The following PEBP4 variants were observed in gnomAD, a reference collection of about 807,000 sequenced individuals.
PEBP4 encodes phosphatidylethanolamine-binding protein 4.
A neutral mutation model predicts 23.9 loss-of-function variants in PEBP4; 22 were observed. The ratio of observed to expected loss-of-function variants is 0.92; its 90% CI spans 0.66 to 1.31. The LOEUF (loss-of-function observed/expected upper bound fraction) is 1.31. Ranked by LOEUF, PEBP4 falls within the 40% of genes most tolerant of loss-of-function variation. PEBP4 has a pLI of 0.00. For missense variants in PEBP4, 324 were observed against 281.7 expected, an observed-to-expected ratio of 1.15 and a Z score of -1.07; for synonymous variants, 112 against 99.3, an observed-to-expected ratio of 1.13 and a Z score of -0.76.
chr8:22,766,936 C>T (rs573184480), intron 4 of PEBP4, among the ~76,000 whole-genome samples: 4 of 152,196 alleles, frequency 2.6e-5, no homozygotes, highest in Admixed American at 6.5e-5. Context: ...ATGGGACCTC[C>T]CCATGCCTCA....
intron 3 of PEBP4, among the ~76,000 whole-genome samples, chr8:22,853,511 AGTAGGAAG>A (rs780564324): frequency 2.0e-5 from 3 of 152,240 alleles, no homozygotes; most frequent in Non-Finnish European, 4.4e-5. Context: ...CTGTGAAGTA[AGTAGGAAG>A]GTACCCTTCT....
At chr8:22,789,202 T>TA (rs1806087393) in intron 4 of PEBP4, among the ~76,000 whole-genome samples, 1 of 152,194 alleles carries the variant, frequency 6.6e-6, no homozygotes, top group African/African-American at 2.4e-5. Flanking sequence ...AGTTATACAC[T>TA]AAGTGTGTTC....
chr8:22,785,781 CTG>C (rs1312999366), intron 4 of PEBP4, among the ~76,000 whole-genome samples: 1 of 152,198 alleles, frequency 6.6e-6, no homozygotes, highest in Non-Finnish European at 1.5e-5. Context: ...TTGTCAATGA[CTG>C]TGAATAGAGG....
chr8:22,796,251 AGTGTGCGTGTGT>A (rs576402937), intron 4 of PEBP4, among the ~76,000 whole-genome samples: 110 of 109,548 alleles, frequency 1.0e-3, no homozygotes, highest in African/African-American at 3.9e-3. Flanking sequence ...GCAATTCTCA[AGTGTGCGTGTGT>A]GTGTGTGTGT....
intron 6 of PEBP4, among the ~76,000 whole-genome samples, chr8:22,715,531 G>T (rs1343679634): frequency 1.3e-5 from 2 of 152,226 alleles, no homozygotes; most frequent in African/African-American, 4.8e-5. Context: ...GAAGGAACCT[G>T]CACGGCAGGA....
intron 4 of PEBP4, among the ~76,000 whole-genome samples, chr8:22,756,535 C>T (rs985334496): frequency 6.6e-6 from 1 of 152,124 alleles, no homozygotes; most frequent in African/African-American, 2.4e-5. Context: ...CACCACTGTC[C>T]CATGCTCCTC....
intron 4 of PEBP4, among the ~76,000 whole-genome samples, chr8:22,807,003 C>T (rs1301488587): frequency 6.6e-6 from 1 of 152,206 alleles, no homozygotes; most frequent in Non-Finnish European, 1.5e-5. Flanking sequence ...CTCAGACCAT[C>T]TGCTTATTAA....
At chr8:22,873,752 G>A (rs144271564) in intron 3 of PEBP4, among the ~76,000 whole-genome samples, 16 of 152,254 alleles carry the variant, frequency 1.1e-4, no homozygotes, top group East Asian at 7.7e-4. Flanking sequence ...TTAACATACC[G>A]ATACTCATTT....
At chr8:22,727,951 GAT>G (rs1057231233) in intron 4 of PEBP4, among the ~76,000 whole-genome samples, 5 of 152,172 alleles carry the variant, frequency 3.3e-5, no homozygotes, top group Admixed American at 6.5e-5. Context: ...AGGACTGGGA[GAT>G]GCTCAGATGA....
At position 22,924,343 on chromosome 8, in the gene PEBP4, G is replaced by A. The variant is rs142395850; in HGVS notation, c.131+3241C>T. Among the ~76,000 whole-genome samples, 1,187 of 152,256 alleles carry A rather than the reference G, an allele frequency of 7.8e-3. 22 individuals are homozygous for A. The highest frequency in any genetic ancestry group is 0.027 in the African/African-American group (1,127 of 41,544). On this transcript the variant is annotated intron_variant, in intron 2 of 6. Coordinates refer to ENST00000256404, the MANE Select transcript of PEBP4 (RefSeq NM_144962.3). ...CAGGCCACTGCACTCCAGCCTAAGT[G>A]ACAGACAAGACTCTGTCTCTAAAAG...
At chr8:22,814,158 T>A (rs1424718528) in intron 4 of PEBP4, among the ~76,000 whole-genome samples, 1 of 152,170 alleles carries the variant, frequency 6.6e-6, no homozygotes, top group East Asian at 1.9e-4. Context: ...CACACTACTA[T>A]CTCCAGCTTA....
At chr8:22,871,151 A>G (rs1487920301) in intron 3 of PEBP4, among the ~76,000 whole-genome samples, 1 of 152,182 alleles carries the variant, frequency 6.6e-6, no homozygotes, top group Non-Finnish European at 1.5e-5. Flanking sequence ...AAAAAGAAGC[A>G]GGAAGAGCTG....
intron 3 of PEBP4, among the ~76,000 whole-genome samples, chr8:22,836,971 C>T (rs190484645): frequency 1.1e-3 from 162 of 152,248 alleles, no homozygotes; most frequent in African/African-American, 3.8e-3. Flanking sequence ...CTCTATCTCC[C>T]AAGCTACATT....
intron 3 of PEBP4, among the ~76,000 whole-genome samples, chr8:22,904,644 C>T (rs1023171688): frequency 5.3e-5 from 8 of 152,150 alleles, no homozygotes; most frequent in Non-Finnish European, 1.2e-4. Context: ...CCAATGTTAA[C>T]ATTTTGATAT....
intron 4 of PEBP4, among the ~76,000 whole-genome samples, chr8:22,756,222 C>T (rs369527437): frequency 3.9e-5 from 6 of 152,176 alleles, no homozygotes; most frequent in East Asian, 1.9e-4. Context: ...AGCTGAACAG[C>T]TGGCGCCTCC....
intron 4 of PEBP4, among the ~76,000 whole-genome samples, 167 bp downstream of exon 4, chr8:22,817,470 G>T (rs1356625694): frequency 5.3e-5 from 8 of 152,182 alleles, no homozygotes. Context: ...GACACTTTTT[G>T]AAATTGTTGG....
intron 4 of PEBP4, among the ~76,000 whole-genome samples, chr8:22,760,629 G>A (rs1805488541): frequency 6.6e-6 from 1 of 152,122 alleles, no homozygotes; most frequent in South Asian, 2.1e-4. Flanking sequence ...GAAGGCTCCA[G>A]AGGCCTGGGA....
chr8:22,763,896 G>A (rs754759495), intron 4 of PEBP4, among the ~76,000 whole-genome samples: 3 of 152,166 alleles, frequency 2.0e-5, no homozygotes, highest in Non-Finnish European at 4.4e-5. Context: ...CTGGATGCCA[G>A]GTGCATAATG....
chr8:22,857,539 A>G (rs1807679562), intron 3 of PEBP4, among the ~76,000 whole-genome samples: 1 of 152,212 alleles, frequency 6.6e-6, no homozygotes, highest in South Asian at 2.1e-4. Context: ...GGAAGCTAAG[A>G]TGACAGCAGG....
Sources: allele counts gnomAD v4.1 joint callset (sites outside exome capture counted in the v4.1 genomes callset), GRCh38; gene constraint gnomAD v4.1.1; transcripts MANE v1.5; gene names NCBI Gene and HGNC (gene_info 2026-07-23, HGNC 2026-07-21).